PBK: variants seen among roughly 807,000 people sequenced by gnomAD.
PBK encodes the protein PDZ binding kinase.
A neutral mutation model predicts 33.5 loss-of-function variants in PBK; 22 were observed. The observed-to-expected ratio is 0.66, with a 90% confidence interval of 0.47 to 0.94. PBK has a LOEUF of 0.94. PBK is among the 40% of genes least tolerant of loss of function. The pLI, the probability that PBK is intolerant of heterozygous loss-of-function variation, is 0.00. For missense variants in PBK, 376 were observed against 383.4 expected, an observed-to-expected ratio of 0.98 and a Z score of 0.16; for synonymous variants, 129 against 123.8, an observed-to-expected ratio of 1.04 and a Z score of -0.28.
chr8:27,828,965 C>T (rs1159812956), intron 2 of PBK, among the ~76,000 whole-genome samples: 1 of 152,152 alleles, frequency 6.6e-6, no homozygotes, highest in Non-Finnish European at 1.5e-5. Context: ...GGCCCTATCA[C>T]TGCCCTAACT....
Position 27,833,129 on chromosome 8 carries a change from C to G in PBK, c.-16G>C, listed in dbSNP as rs1444200438. 17 of 1,551,096 alleles carry G rather than the reference C, an allele frequency of 1.1e-5. No individual in the cohort carries two copies. Among genetic ancestry groups the G allele is most frequent in the Non-Finnish European group, 1.5e-5 (17 of 1,138,870 alleles). On this transcript the variant is annotated 5_prime_UTR_variant, in exon 2 of 8. Coordinates refer to ENST00000301905, the MANE Select transcript of PBK (RefSeq NM_018492.4). The stretch of plus-strand genomic sequence containing the variant: ...TCCCTTCCATTGTGAAAGCCACTCT[C>G]AGTCCTACGATGAAAACAAATTGCA...
At chr8:27,821,413 C>T (rs1049146289) in intron 5 of PBK, among the ~76,000 whole-genome samples, 2 of 152,084 alleles carry the variant, frequency 1.3e-5, no homozygotes, top group Non-Finnish European at 2.9e-5. Context: ...CAGGTGCCGC[C>T]ACCATGCCCG....
chr8:27,811,345 T>C, intron 6 of PBK: 1 of 600,832 alleles, frequency 1.7e-6, no homozygotes, highest in Admixed American at 2.9e-5. Context: ...GGCAGGTATG[T>C]AGAGAAACAG....
intron 5 of PBK, 101 bp from the exon 6 acceptor site, chr8:27,820,795 C>G (rs1805910694): frequency 4.8e-6 from 3 of 619,532 alleles, no homozygotes; most frequent in Non-Finnish European, 8.0e-6. Flanking sequence ...TTCCTAAACT[C>G]TAGGTTTACA....
At chr8:27,826,795 CAAA>C (rs5890381) in intron 3 of PBK, among the ~76,000 whole-genome samples, 2 of 66,236 alleles carry the variant, frequency 3.0e-5, no homozygotes, top group Non-Finnish European at 2.7e-5. Context: ...GACTCCGTCT[CAAA>C]AAAAAAAAAA....
intron 6 of PBK, among the ~76,000 whole-genome samples, chr8:27,816,357 A>ATG (rs1805812374): frequency 7.5e-6 from 1 of 132,512 alleles, no homozygotes; most frequent in African/African-American, 2.9e-5. Context: ...ATATATATAT[A>ATG]TTTATTTATT....
At chr8:27,816,172 G>A (rs578146334) in intron 6 of PBK, among the ~76,000 whole-genome samples, 1 of 151,776 alleles carries the variant, frequency 6.6e-6, no homozygotes, top group East Asian at 1.9e-4. Flanking sequence ...CTGTCATCTT[G>A]TCTCATTAGT....
At chr8:27,833,378 G>A (rs1221737034) in intron 1 of PBK, among the ~76,000 whole-genome samples, 4 of 152,008 alleles carry the variant, frequency 2.6e-5, no homozygotes, top group South Asian at 2.1e-4. Flanking sequence ...GCGTGGTGGC[G>A]CATGCGTGTA....
intron 6 of PBK, among the ~76,000 whole-genome samples, chr8:27,820,350 CTAA>C (rs1300276627): frequency 6.6e-6 from 1 of 152,102 alleles, no homozygotes; most frequent in Non-Finnish European, 1.5e-5. Flanking sequence ...AAAATATATA[CTAA>C]TACTACTACT....
chr8:27,820,077 C>T (rs1167116597), intron 6 of PBK, among the ~76,000 whole-genome samples: 1 of 152,100 alleles, frequency 6.6e-6, no homozygotes, highest in Non-Finnish European at 1.5e-5. Context: ...GCTCTTGTTT[C>T]TCACCAAGAA....
chr8:27,811,333 T>C (rs962768951), intron 6 of PBK, 199 bp from the exon 7 acceptor site: 1 of 607,392 alleles, frequency 1.6e-6, no homozygotes, highest in Non-Finnish European at 2.9e-6. Flanking sequence ...AGCTGGTCAG[T>C]TGGCAGGTAT....
intron 6 of PBK, among the ~76,000 whole-genome samples, chr8:27,815,122 A>G (rs938996310): frequency 6.6e-6 from 1 of 152,224 alleles, no homozygotes; most frequent in African/African-American, 2.4e-5. Flanking sequence ...GAACTGAAGG[A>G]AAGTTCTGCC....
At position 27,837,785 on chromosome 8, in the gene PBK, G is replaced by C. The variant is rs1237879123; in HGVS notation, c.-154C>G. 3.9e-5 allele frequency: 6 copies of C among 152,254 alleles called. No individual in the cohort carries two copies. Among genetic ancestry groups the C allele is most frequent in the Non-Finnish European group, 8.8e-5 (6 of 68,066 alleles). The allele number at this position is 152,254 out of a possible 1,614,324, so 9.4% of individuals were successfully genotyped here. ...CTAGCACCAACACATACGCCCGGCA[G>C]CTGCCGTTGCAATTCGAACCCTCCT... On this transcript the variant is annotated 5_prime_UTR_variant, in exon 1 of 8. Coordinates refer to ENST00000301905, the MANE Select transcript of PBK (RefSeq NM_018492.4).
intron 6 of PBK, among the ~76,000 whole-genome samples, chr8:27,814,031 C>T (rs1484718346): frequency 6.6e-6 from 1 of 152,074 alleles, no homozygotes; most frequent in Non-Finnish European, 1.5e-5. Flanking sequence ...GGATGTCCTA[C>T]AATGTGTCAG....
chr8:27,823,172 A>G lies in PBK; in HGVS notation c.186T>C (p.Ala62=). 1 of 1,555,152 alleles carries G rather than the reference A, an allele frequency of 6.4e-7. No individual in the cohort carries two copies. The highest frequency in any genetic ancestry group is 8.8e-7 in the Non-Finnish European group (1 of 1,131,560). ...TACATATAGGATTAATCTTTTTTAC[A>G]GCCCAAGGAGAATGAGACAAACCTC... ...SPRGLSHSPW[A]VKKINPICND... The change falls in exon 4 of 8, where the codon GCT becomes GCC. Residue 62 remains alanine, a synonymous_variant. Transcript: ENST00000301905.
At chr8:27,833,325 T>C (rs904124284) in intron 1 of PBK, among the ~76,000 whole-genome samples, 192 bp from the exon 2 acceptor site, 2 of 151,934 alleles carry the variant, frequency 1.3e-5, no homozygotes, top group African/African-American at 4.8e-5. Flanking sequence ...GCCCGACCAA[T>C]ATGGAGAAAC....
intron 1 of PBK, among the ~76,000 whole-genome samples, chr8:27,835,632 A>C (rs1381912643): frequency 3.3e-5 from 5 of 151,352 alleles, no homozygotes; most frequent in African/African-American, 1.2e-4. Context: ...GCTCACTGCA[A>C]CCTCTGCCTC....
At chr8:27,829,514 C>T (rs1326876452) in intron 2 of PBK, among the ~76,000 whole-genome samples, 2 of 152,110 alleles carry the variant, frequency 1.3e-5, no homozygotes, top group Non-Finnish European at 2.9e-5. Flanking sequence ...TATCTACTGC[C>T]CAATCAAAAA....
intron 7 of PBK, 27 bp from the exon 8 acceptor site, chr8:27,810,528 TAAAC>T (rs1403288929): frequency 1.4e-6 from 2 of 1,408,402 alleles, no homozygotes; most frequent in African/African-American, 2.9e-5. Context: ...ATTGAAACAA[TAAAC>T]AAAATCACTT....
Sources: allele counts gnomAD v4.1 joint callset (sites outside exome capture counted in the v4.1 genomes callset), GRCh38; gene constraint gnomAD v4.1.1; transcripts MANE v1.5; gene names NCBI Gene and HGNC (gene_info 2026-07-23, HGNC 2026-07-21).